PPP2R5D: variants seen among roughly 807,000 people sequenced by gnomAD.
PPP2R5D encodes the protein protein phosphatase 2 regulatory subunit B'delta.
In PPP2R5D, 12 loss-of-function variants were observed where a neutral mutation model predicts 79.1. That is an observed-to-expected ratio of 0.15 (90% CI 0.10 to 0.25). The LOEUF (loss-of-function observed/expected upper bound fraction) is 0.25. Among genes scored for constraint, PPP2R5D ranks in the 10% least tolerant of loss-of-function variants. The probability of loss-of-function intolerance (pLI) is 1.00; values close to 1 mark genes in which losing one functional copy is unlikely to be tolerated. For missense variants in PPP2R5D, 419 were observed against 760.2 expected (o/e 0.55, Z 5.28); for synonymous variants, 277 against 286.6 (o/e 0.97, Z 0.34).
Position 43,006,467 on chromosome 6 carries a change from A to G in PPP2R5D, c.110A>G (p.Gln37Arg). 1 of 1,613,010 alleles carries G rather than the reference A, an allele frequency of 6.2e-7. No homozygotes were observed. The highest frequency in any genetic ancestry group is 8.5e-7 in the Non-Finnish European group (1 of 1,179,664). ...DGGGENTEEA[Q>R]PQPQPQPQPQ... ...ACAGGTGACTTGTTTGACCAGGCCC[A>G]GCCGCAGCCCCAGCCCCAGCCCCAG... is the stretch of plus-strand genomic sequence containing the variant. Residue 37 changes from glutamine to arginine, a missense_variant, in exon 3 of 16, where the codon CAG becomes CGG. Transcript: ENST00000485511. This position sits in a 1 kb window ranked among gnomAD's most constrained non-coding sequence, Gnocchi z 4.7.
chr6:42,998,053 ATATATT>A (rs1561844033), intron 2 of PPP2R5D, among the ~76,000 whole-genome samples: 43 of 18,598 alleles, frequency 2.3e-3, no homozygotes, highest in African/African-American at 7.2e-3. Flanking sequence ...ATATATATAT[ATATATT>A]TTTTTTTTTT....
intron 2 of PPP2R5D, among the ~76,000 whole-genome samples, chr6:42,990,767 T>C (rs2150252641): frequency 7.5e-6 from 1 of 132,900 alleles, no homozygotes; most frequent in African/African-American, 2.9e-5. Flanking sequence ...TGGAGTGCAA[T>C]GGTACGATCT....
intron 1 of PPP2R5D, among the ~76,000 whole-genome samples, chr6:42,987,251 T>C (rs1006273005): frequency 6.6e-6 from 1 of 152,204 alleles, no homozygotes; most frequent in Non-Finnish European, 1.5e-5. Context: ...TCATTTTGGT[T>C]TGACAACTCC....
rs1762220560 is a variant in PPP2R5D at position 43,008,841 on chromosome 6, AG to A, written c.1080+98del. On this transcript the variant is annotated intron_variant, in intron 10 of 15. Transcript: ENST00000485511. This position sits in a 1 kb window ranked among gnomAD's most constrained non-coding sequence, Gnocchi z 4.2. ...GGGGTGCCATAAGGGGGAACTCAGG[AG>A]GGCTGTGACCTGACCGGTAACATGG... 1 of 1,430,594 alleles carries A rather than the reference AG, an allele frequency of 7.0e-7. No individual in the cohort carries two copies. The allele number at this position is 1,430,594 out of a possible 1,614,324, so 88.6% of individuals were successfully genotyped here. A position where few individuals can be genotyped will look rare whatever the true frequency, so the allele number is the denominator to read the frequency against.
At chr6:42,990,053 T>G (rs1282507178) in intron 2 of PPP2R5D, among the ~76,000 whole-genome samples, 1 of 151,332 alleles carries the variant, frequency 6.6e-6, no homozygotes, top group African/African-American at 2.4e-5. Flanking sequence ...TCAGCATGGC[T>G]CGGGTGGGGC....
chr6:43,011,323 AGCCCTGGGACACT>A lies in PPP2R5D; in HGVS notation c.*45_*57del. The A allele has an allele frequency of 6.2e-7, 1 of 1,612,318 alleles. No individual in the cohort carries two copies. Among genetic ancestry groups the A allele is most frequent in the Non-Finnish European group, 8.5e-7 (1 of 1,179,618 alleles). ...CCTACCACAGGGCCACAGCCCACAC[AGCCCTGGGACACT>A]GCCCTGGCCCTCCATACTCTGCTCC... On this transcript the variant is annotated 3_prime_UTR_variant, in exon 16 of 16. Transcript: ENST00000485511.
At chr6:42,987,746 A>G (rs977482038) in intron 1 of PPP2R5D, among the ~76,000 whole-genome samples, 4 of 152,194 alleles carry the variant, frequency 2.6e-5, no homozygotes. Flanking sequence ...CCACACACTA[A>G]GGCAGCTGGA....
Position 43,011,213 on chromosome 6 carries a change from T to C in PPP2R5D, c.1736T>C (p.Val579Ala). ...LRRKSELPQD[V>A]YTIKALEAHK... ...AGGAAGTCGGAGCTGCCCCAGGACG[T>C]GTACACCATCAAGGCACTGGAGGCG... Residue 579 changes from valine to alanine, a missense_variant, in exon 16 of 16, where the codon GTG (valine) becomes GCG (alanine). This residue lies in a region of PPP2R5D where 84 missense variants were observed against 105.4 expected (regional missense o/e 0.80). Coordinates refer to ENST00000485511, the MANE Select transcript of PPP2R5D (RefSeq NM_006245.4). 1 of 1,614,122 alleles carries C rather than the reference T, an allele frequency of 6.2e-7. No individual in the cohort carries two copies. Among genetic ancestry groups the C allele is most frequent in the Non-Finnish European group, 8.5e-7 (1 of 1,180,008 alleles).
chr6:42,993,887 A>G (rs1223461223), intron 2 of PPP2R5D, among the ~76,000 whole-genome samples: 1 of 152,224 alleles, frequency 6.6e-6, no homozygotes, highest in Non-Finnish European at 1.5e-5. Context: ...GGGACTGGAT[A>G]CTGTGCAACA....
In PPP2R5D at chr6:42,996,391, G is replaced by T. The variant is rs371265211; in HGVS notation, c.105+6703G>T. On this transcript the variant is annotated intron_variant, in intron 2 of 15. Transcript: ENST00000485511. ...GAGGCAGGAGAATGGCTGAAACTGG[G>T]AGGCGGAGCTTGCAGTGAGCCGAGA... Among the ~76,000 whole-genome samples, 50 of 151,728 alleles carry T rather than the reference G, an allele frequency of 3.3e-4. No homozygotes were observed. The East Asian group carries it at 9.3e-3, about 28-fold the overall frequency.
intron 2 of PPP2R5D, among the ~76,000 whole-genome samples, 160 bp downstream of exon 2, chr6:42,989,848 T>C (rs1205550565): frequency 2.0e-5 from 3 of 152,242 alleles, no homozygotes; most frequent in African/African-American, 7.2e-5. Flanking sequence ...CAGGCAGGAT[T>C]TACCTTTGGT....
intron 2 of PPP2R5D, among the ~76,000 whole-genome samples, chr6:42,997,878 G>C (rs1771817941): frequency 6.7e-6 from 1 of 149,588 alleles, no homozygotes; most frequent in Non-Finnish European, 1.5e-5. Context: ...ACGGGGTTTT[G>C]CCATATTGTC....
chr6:42,985,616 T>C (rs923127407), intron 1 of PPP2R5D, among the ~76,000 whole-genome samples: 16 of 152,004 alleles, frequency 1.1e-4, no homozygotes, highest in Admixed American at 3.3e-4. Context: ...TTTTTTTTTT[T>C]CTTTTCGCAC....
At chr6:42,986,883 A>G (rs569824670) in intron 1 of PPP2R5D, among the ~76,000 whole-genome samples, 2 of 152,032 alleles carry the variant, frequency 1.3e-5, no homozygotes, top group South Asian at 4.2e-4. Flanking sequence ...GGAGCCAGGC[A>G]TAACTCTCAC....
At chr6:42,999,958 T>C (rs918183128) in intron 2 of PPP2R5D, among the ~76,000 whole-genome samples, 5 of 151,862 alleles carry the variant, frequency 3.3e-5, no homozygotes, top group Admixed American at 3.3e-4. Flanking sequence ...TTTTTTGAGA[T>C]GGAGTCTTGC....
In PPP2R5D at chr6:43,008,187, T is replaced by C; in HGVS notation, c.858-14T>C. On this transcript the variant is annotated splice_polypyrimidine_tract_variant and intron_variant, in intron 7 of 15. Coordinates refer to ENST00000485511, the MANE Select transcript of PPP2R5D (RefSeq NM_006245.4). This position sits in a 1 kb window ranked among gnomAD's most constrained non-coding sequence, Gnocchi z 4.2. ...CATCAGGGGTTGTCAAGAGAGCCAT[T>C]TTTCTTCCCTCAGGTTCATCTACGA... is the stretch of plus-strand genomic sequence containing the variant. The C allele has an allele frequency of 6.2e-7, 1 of 1,614,016 alleles. No homozygotes were observed. Among genetic ancestry groups the C allele is most frequent in the East Asian group, 2.2e-5 (1 of 44,876 alleles).
At position 43,007,348 on chromosome 6, in the gene PPP2R5D, T is replaced by C. The variant is rs1164543894; in HGVS notation, c.633+42T>C. 2 of 1,607,906 alleles carry C rather than the reference T, an allele frequency of 1.2e-6. No individual in the cohort carries two copies. The highest frequency in any genetic ancestry group is 2.2e-5 in the East Asian group (1 of 44,848). ...GCAGATTGGCCGTGGCTGCAGGGAG[T>C]GGGGCACTTGGAGGCCTGCAAGTCC... is the stretch of plus-strand genomic sequence containing the variant. On this transcript the variant is annotated intron_variant, in intron 5 of 15. Transcript: ENST00000485511. The surrounding 1 kb of genome is among the most constrained non-coding windows in gnomAD (Gnocchi z 4.5).
intron 15 of PPP2R5D, 45 bp from the exon 16 acceptor site, chr6:43,011,104 T>A (rs1388891853): frequency 6.2e-6 from 10 of 1,613,158 alleles, no homozygotes; most frequent in Non-Finnish European, 8.5e-6. Context: ...TAGAATTCAC[T>A]GGGAATTGGT....
At chr6:42,986,806 G>A (rs1770887819) in intron 1 of PPP2R5D, among the ~76,000 whole-genome samples, 2 of 151,874 alleles carry the variant, frequency 1.3e-5, no homozygotes, top group African/African-American at 4.8e-5. Flanking sequence ...AATTGCCAGT[G>A]AGATTTGCTA....
Sources: gnomAD v4.1 joint callset for allele counts (sites outside exome capture counted in the v4.1 genomes callset) on GRCh38, gnomAD v4.1.1 for gene constraint, gnomAD v4.1.1 regional missense constraint, Gnocchi (gnomAD v3.1) non-coding constraint, MANE v1.5 for transcripts, NCBI Gene and HGNC (gene_info 2026-07-23, HGNC 2026-07-21) for gene names.